The following ANK2 variants were observed in gnomAD, a reference collection of about 807,000 sequenced individuals.
ANK2 encodes ankyrin-2.
ANK2 carries 83 observed loss-of-function variants against 360.5 expected under a neutral mutation model. The ratio of observed to expected loss-of-function variants is 0.23; its 90% CI spans 0.19 to 0.28. The LOEUF (loss-of-function observed/expected upper bound fraction) is 0.28, where lower values mean the gene tolerates loss of function less well. Ranked by LOEUF, ANK2 falls within the 10% of genes least tolerant of loss-of-function variation. The probability of loss-of-function intolerance (pLI) is 1.00; values close to 1 mark genes in which losing one functional copy is unlikely to be tolerated. For missense variants in ANK2, 4,201 were observed against 4,795.7 expected, an observed-to-expected ratio of 0.88 and a Z score of 3.66; for synonymous variants, 1,740 against 1,759.5, an observed-to-expected ratio of 0.99 and a Z score of 0.28.
At chr4:113,089,044 T>C (rs556989574) in intron 1 of ANK2, among the ~76,000 whole-genome samples, 1 of 152,280 alleles carries the variant, frequency 6.6e-6, no homozygotes, top group African/African-American at 2.4e-5. Context: ...CTTTCTTACC[T>C]GGTGGTCTCA....
At chr4:113,149,161 A>C (rs1364982330) in intron 1 of ANK2, 1 of 152,264 alleles carries the variant, frequency 6.6e-6, no homozygotes, top group Non-Finnish European at 1.5e-5. Context: ...TGCAGCCCTG[A>C]AGTGAACAAG....
intron 2 of ANK2, among the ~76,000 whole-genome samples, chr4:112,957,306 T>C (rs2095387315): frequency 6.6e-6 from 1 of 152,166 alleles, no homozygotes. Flanking sequence ...ACACAGCACA[T>C]GTTTCAGAGA....
rs1341608313 is a variant in ANK2, at chr4:113,150,949, A to G, written c.85-23467A>G. The stretch of plus-strand genomic sequence containing the variant: ...ATTAGGTTGTAGTCTGCATATCATA[A>G]GCTCTATTTTCTTTGAAGTTCCTAC... On this transcript the variant is annotated intron_variant, in intron 1 of 45. Coordinates refer to ENST00000357077, the MANE Select transcript of ANK2 (RefSeq NM_001148.6). The G allele has an allele frequency of 1.0e-5, 7 of 672,902 alleles. No homozygotes were observed. The East Asian group carries it at 4.6e-4, about 44-fold the overall frequency. 41.7% of individuals were successfully genotyped at this position (672,902 alleles called of 1,614,324 possible).
At chr4:113,268,333 T>A (rs1351766532) in intron 14 of ANK2, among the ~76,000 whole-genome samples, 1 of 152,214 alleles carries the variant, frequency 6.6e-6, no homozygotes, top group Non-Finnish European at 1.5e-5. Flanking sequence ...TGTGCAGCTT[T>A]TCAAAGGGAA....
chr4:112,854,845 G>C (rs1407097885), intron 1 of ANK2, among the ~76,000 whole-genome samples: 1 of 152,172 alleles, frequency 6.6e-6, no homozygotes, highest in Non-Finnish European at 1.5e-5. Context: ...TCCAGAGAGA[G>C]AGCTCAGTGT....
chr4:113,249,757 T>C lies in ANK2; in HGVS notation c.892-7T>C, dbSNP rs762930854. The C allele has an allele frequency of 1.9e-6, 3 of 1,613,988 alleles. No individual in the cohort carries two copies. The highest frequency in any genetic ancestry group is 1.1e-5 in the South Asian group (1 of 90,964). On this transcript the variant is annotated splice_polypyrimidine_tract_variant and splice_region_variant and intron_variant, in intron 9 of 45. Transcript: ENST00000357077. ...ACTTGGGCCTAATTCTTTAATTCTTTTGGCAGGATGGGTTGACACCACTTC... is the reference window on the plus strand; with the variant it reads ...ACTTGGGCCTAATTCTTTAATTCTTCTGGCAGGATGGGTTGACACCACTTC...
At chr4:112,714,440 C>T in the ANK2 span, among the ~76,000 whole-genome samples, 1 of 152,204 alleles carries the variant, frequency 6.6e-6, no homozygotes, top group African/African-American at 2.4e-5. Context: ...ACCTTGGTCT[C>T]CCAAAGTGCT....
At chr4:112,811,280 T>G in the ANK2 span, among the ~76,000 whole-genome samples, 1 of 152,230 alleles carries the variant, frequency 6.6e-6, no homozygotes, top group Non-Finnish European at 1.5e-5. Flanking sequence ...CCTTCTGGAT[T>G]TATATGATTG....
chr4:112,965,688 G>T (rs1040544176), intron 2 of ANK2, among the ~76,000 whole-genome samples: 1 of 152,122 alleles, frequency 6.6e-6, no homozygotes, highest in Non-Finnish European at 1.5e-5. Context: ...TCTGCATATT[G>T]ATATCCAGTT....
intron 4 of ANK2, among the ~76,000 whole-genome samples, chr4:113,213,397 T>G (rs911628051): frequency 7.9e-5 from 12 of 152,208 alleles, no homozygotes; most frequent in Non-Finnish European, 1.6e-4. Context: ...TGTTCTTGAT[T>G]ATATGGGCTA....
At position 113,354,443 on chromosome 4, in the gene ANK2, C is replaced by T; in HGVS notation, c.5825C>T (p.Ser1942Phe). The T allele has an allele frequency of 6.2e-7, 1 of 1,614,092 alleles. No homozygotes were observed. Residue 1942 changes from serine to phenylalanine, a missense_variant, in exon 38 of 46, where the codon TCC (serine) becomes TTC (phenylalanine). By Grantham distance (155) the Ser-to-Phe change is radical. Around this residue, in one of 4 missense-constraint regions of ANK2, gnomAD observed 2,642 missense variants for 2,714.5 expected, o/e 0.97. Coordinates refer to ENST00000357077, the MANE Select transcript of ANK2 (RefSeq NM_001148.6). Reference sequence around the variant, plus strand: ...GAAAAACGCTTGCCTGTTTCACCCTCCGGAAGAACGGACAAGCACCAACCT... The same window carrying T: ...GAAAAACGCTTGCCTGTTTCACCCTTCGGAAGAACGGACAAGCACCAACCT... ...RTEKRLPVSP[S>F]GRTDKHQPVS... is the part of the protein sequence containing the mutation.
At position 113,345,833 on chromosome 4, in the gene ANK2, A is replaced by T. The variant is rs193125177; in HGVS notation, c.4249-67A>T. 1.9e-6 allele frequency: 3 copies of T among 1,590,690 alleles called. No homozygotes were observed. In the East Asian group the frequency reaches 6.7e-5, roughly 36 times the overall value. On this transcript the variant is annotated intron_variant, in intron 34 of 45. Coordinates refer to ENST00000357077, the MANE Select transcript of ANK2 (RefSeq NM_001148.6). ...TGAATTTTACTTTTCCCTTTCAAGCATCATCTAGTTAAAGTAAATACTGCA... is the reference window on the plus strand; with the variant it reads ...TGAATTTTACTTTTCCCTTTCAAGCTTCATCTAGTTAAAGTAAATACTGCA...
At chr4:113,297,269 A>G (rs1208105788) in intron 22 of ANK2, among the ~76,000 whole-genome samples, 2 of 152,126 alleles carry the variant, frequency 1.3e-5, no homozygotes, top group African/African-American at 4.8e-5. Context: ...TCCCAAAATG[A>G]TAGGATTACA....
intron 4 of ANK2, among the ~76,000 whole-genome samples, chr4:113,216,321 T>C (rs984629406): frequency 3.3e-5 from 5 of 152,354 alleles, no homozygotes; most frequent in African/African-American, 4.8e-5. Context: ...TCGAAGCCTA[T>C]GCGTAGCACA....
intron 2 of ANK2, among the ~76,000 whole-genome samples, chr4:113,021,145 T>C (rs1470656369): frequency 6.6e-6 from 1 of 150,384 alleles, no homozygotes; most frequent in Non-Finnish European, 1.5e-5. Flanking sequence ...TGAGAAGCAG[T>C]GATGTAAACC....
In ANK2 at chr4:113,358,155, A is replaced by G. The variant is rs769496577; in HGVS notation, c.9537A>G (p.Ala3179=). ...SESKETVDDE[A]DLLPDDVSEE... is the part of the protein sequence containing the mutation. Reference sequence around the variant, plus strand: ...CAAAAGAAACAGTGGATGATGAGGCAGACTTACTTCCAGATGACGTGAGTG... The same window carrying G: ...CAAAAGAAACAGTGGATGATGAGGCGGACTTACTTCCAGATGACGTGAGTG... Residue 3179 remains alanine, a synonymous_variant, in exon 38 of 46, where the codon GCA becomes GCG. Transcript: ENST00000357077. The G allele has an allele frequency of 3.1e-6, 5 of 1,614,104 alleles. No individual in the cohort carries two copies. The South Asian group carries it at 3.3e-5, about 11-fold the overall frequency.
chr4:112,746,446 T>G, the ANK2 span, among the ~76,000 whole-genome samples: 1 of 149,314 alleles, frequency 6.7e-6, no homozygotes, highest in Non-Finnish European at 1.5e-5. Flanking sequence ...AGGTGGAGGT[T>G]GCAGTGAGCT....
At chr4:112,754,987 C>T in the ANK2 span, among the ~76,000 whole-genome samples, 1 of 152,080 alleles carries the variant, frequency 6.6e-6, no homozygotes, top group Non-Finnish European at 1.5e-5. Flanking sequence ...TGGGAAAATC[C>T]CAGATGAAGA....
intron 1 of ANK2, among the ~76,000 whole-genome samples, chr4:113,075,146 T>G (rs1381536197): frequency 6.6e-6 from 1 of 152,222 alleles, no homozygotes; most frequent in Non-Finnish European, 1.5e-5. Context: ...TGAGAAGCAC[T>G]ACTTTAGCAT....
Sources: gnomAD v4.1 joint callset for allele counts (sites outside exome capture counted in the v4.1 genomes callset) on GRCh38, gnomAD v4.1.1 for gene constraint, gnomAD v4.1.1 regional missense constraint, MANE v1.5 for transcripts, NCBI Gene and HGNC (gene_info 2026-07-23, HGNC 2026-07-21) for gene names.